Variants in KCNK2 observed in about 807,000 individuals in gnomAD.
The protein encoded by KCNK2 is potassium two pore domain channel subfamily K member 2.
KCNK2 carries 21 observed loss-of-function variants against 40.5 expected under a neutral mutation model. The observed-to-expected ratio is 0.52, with a 90% CI of 0.37 to 0.75. KCNK2 has a LOEUF of 0.75. Among genes scored for constraint, KCNK2 ranks in the 30% least tolerant of loss-of-function variants. The pLI is 0.00. For synonymous variants in KCNK2, 191 were observed against 202.2 expected (o/e 0.94, Z 0.47); for missense variants, 399 against 531.6 (o/e 0.75, Z 2.45).
At chr1:215,209,438 A>ATTATATATT (rs1665500137) in intron 6 of KCNK2, among the ~76,000 whole-genome samples, 1 of 9,714 alleles carries the variant, frequency 1.0e-4, no homozygotes, top group Non-Finnish European at 1.9e-4. Context: ...TATAATATAA[A>ATTATATATT]ATATATAATA....
In KCNK2 at chr1:215,084,182, GCACACA is replaced by G. The variant is rs71945726; in HGVS notation, c.46+783_46+788del. Among the ~76,000 whole-genome samples, 1,211 of 141,934 alleles carry G rather than the reference GCACACA, an allele frequency of 8.5e-3. 12 individuals carry two copies. Among genetic ancestry groups the G allele is most frequent in the African/African-American group, 0.025 (926 of 37,642 alleles). The allele number at this position is 141,934 out of a possible 152,430, so 93.1% of individuals were successfully genotyped here. A position where few individuals can be genotyped will look rare whatever the true frequency, so the allele number is the denominator to read the frequency against. On this transcript the variant is annotated intron_variant, in intron 1 of 6. Transcript: ENST00000444842. ...CCTTCTGGAAATGTATTAGGTTAAT[GCACACA>G]CACACACACACACACACACACACAC...
At chr1:215,101,264 A>T (rs1483545092) in intron 2 of KCNK2, among the ~76,000 whole-genome samples, 1 of 152,012 alleles carries the variant, frequency 6.6e-6, no homozygotes, top group Non-Finnish European at 1.5e-5. Flanking sequence ...GAAGGTGCTA[A>T]TCATCTGAAG....
chr1:215,063,715 G>A (rs940404516), intron 1 of KCNK2, among the ~76,000 whole-genome samples: 1 of 152,164 alleles, frequency 6.6e-6, no homozygotes, highest in South Asian at 2.1e-4. Flanking sequence ...GGTCTCTTGT[G>A]ATTGGGACGA....
intron 1 of KCNK2, among the ~76,000 whole-genome samples, chr1:215,060,006 C>T (rs979984994): frequency 6.6e-6 from 1 of 152,110 alleles, no homozygotes; most frequent in African/African-American, 2.4e-5. Context: ...ATCAGCATGG[C>T]CAGGGACATG....
At chr1:215,226,916 C>T (rs1328618208) in intron 6 of KCNK2, among the ~76,000 whole-genome samples, 1 of 152,124 alleles carries the variant, frequency 6.6e-6, no homozygotes, top group African/African-American at 2.4e-5. Context: ...ATATTTTGGA[C>T]CTTTACTATG....
chr1:215,195,183 T>A, intron 6 of KCNK2, 91 bp downstream of exon 6: 1 of 1,013,020 alleles, frequency 9.9e-7, no homozygotes, highest in Non-Finnish European at 1.4e-6. Flanking sequence ...TTAAAATATT[T>A]AAACATTTTA....
At chr1:215,039,885 A>C (rs939868600) in intron 1 of KCNK2, among the ~76,000 whole-genome samples, 3 of 152,054 alleles carry the variant, frequency 2.0e-5, no homozygotes, top group African/African-American at 4.8e-5. Flanking sequence ...GGCTTTTCCT[A>C]TCGTTGTTTG....
chr1:215,087,563 G>GAGTGACTT (rs1349695700), intron 2 of KCNK2, among the ~76,000 whole-genome samples: 1 of 152,176 alleles, frequency 6.6e-6, no homozygotes, highest in African/African-American at 2.4e-5. Flanking sequence ...TTCTCACAAG[G>GAGTGACTT]AGTGACTTGA....
chr1:215,039,538 T>C (rs1366907368), intron 1 of KCNK2, among the ~76,000 whole-genome samples: 1 of 152,162 alleles, frequency 6.6e-6, no homozygotes. Flanking sequence ...GTAAGCTATT[T>C]TGTAATTTGA....
chr1:215,195,003 T>G lies in KCNK2; in HGVS notation c.874T>G (p.Trp292Gly). Residue 292 changes from tryptophan to glycine, a missense_variant, in exon 6 of 7, where the codon TGG becomes GGG. Coordinates refer to ENST00000444842, the MANE Select transcript of KCNK2 (RefSeq NM_001017425.3). ...LDFYKPVVWFWILVGLAYFAA... is the reference protein window; with the variant it reads ...LDFYKPVVWFGILVGLAYFAA... The stretch of plus-strand genomic sequence containing the variant: ...CTTCTATAAGCCTGTCGTGTGGTTC[T>G]GGATCCTTGTAGGGCTTGCTTACTT... 6.2e-7 allele frequency: 1 copy of G among 1,613,636 alleles called. No individual in the cohort carries two copies. The highest frequency in any genetic ancestry group is 8.5e-7 in the Non-Finnish European group (1 of 1,179,662).
intron 1 of KCNK2, among the ~76,000 whole-genome samples, chr1:215,010,851 ATT>A (rs66945279): frequency 0.21 from 26,705 of 125,380 alleles, 3,046 homozygotes; most frequent in African/African-American, 0.36. Flanking sequence ...CAGGACACAG[ATT>A]TTTTTTTTTT....
chr1:215,146,899 C>T (rs1288178400), intron 3 of KCNK2, among the ~76,000 whole-genome samples: 3 of 152,076 alleles, frequency 2.0e-5, no homozygotes, highest in South Asian at 2.1e-4. Context: ...TTAAAATAAG[C>T]GTACACATGA....
At chr1:215,054,495 A>T (rs1658089773) in intron 1 of KCNK2, among the ~76,000 whole-genome samples, 1 of 152,182 alleles carries the variant, frequency 6.6e-6, no homozygotes, top group South Asian at 2.1e-4. Flanking sequence ...GCTTCCTCAC[A>T]CATATACCAG....
intron 2 of KCNK2, among the ~76,000 whole-genome samples, chr1:215,117,123 C>T (rs1428783891): frequency 6.6e-6 from 1 of 151,392 alleles, no homozygotes; most frequent in East Asian, 1.9e-4. Context: ...TCTATTTTTC[C>T]TAGAAAAAAA....
In KCNK2 at chr1:215,113,527, C is replaced by T. The variant is rs539937590; in HGVS notation, c.358-11106C>T. Among the ~76,000 whole-genome samples the T allele has an allele frequency of 2.2e-4, 34 of 152,278 alleles. 1 individual carries two copies. Among genetic ancestry groups the T allele is most frequent in the Middle Eastern group, 3.4e-3 (1 of 294 alleles). On this transcript the variant is annotated intron_variant, in intron 2 of 6. Coordinates refer to ENST00000444842, the MANE Select transcript of KCNK2 (RefSeq NM_001017425.3). ...TCACAAGGTTCTGGTGAAGCCCCTC[C>T]GGTCTTGCACTGCTGTTTCAAATAG... is the stretch of plus-strand genomic sequence containing the variant.
rs530409779 is a variant in KCNK2, at chr1:215,140,489, A to G, written c.475+15739A>G. Among the ~76,000 whole-genome samples the G allele has an allele frequency of 3.2e-3, 488 of 152,338 alleles. 4 individuals carry two copies. The highest frequency in any genetic ancestry group is 0.011 in the African/African-American group (469 of 41,588). On this transcript the variant is annotated intron_variant, in intron 3 of 6. Coordinates refer to ENST00000444842, the MANE Select transcript of KCNK2 (RefSeq NM_001017425.3). ...GATGTACACACCTAGGCTATCTGCT[A>G]TAGCCTATTGCTTCTAGGCTACAGA...
At chr1:215,070,429 A>T (rs887699071) in intron 1 of KCNK2, among the ~76,000 whole-genome samples, 11 of 151,466 alleles carry the variant, frequency 7.3e-5, no homozygotes, top group African/African-American at 2.7e-4. Flanking sequence ...AAAAAAAAAA[A>T]AAAAAAAAAA....
Position 215,138,461 on chromosome 1 carries a change from A to G in KCNK2, c.475+13711A>G, listed in dbSNP as rs1193839060. On this transcript the variant is annotated intron_variant, in intron 3 of 6. Coordinates refer to ENST00000444842, the MANE Select transcript of KCNK2 (RefSeq NM_001017425.3). ...TTTTTAGAGGAAAAAATCAGGGGATAGAAATTGTGGGTGTATAGACCAGGT... is the reference window on the plus strand; with the variant it reads ...TTTTTAGAGGAAAAAATCAGGGGATGGAAATTGTGGGTGTATAGACCAGGT... 2.6e-5 allele frequency among the ~76,000 whole-genome samples: 4 copies of G among 152,188 alleles called. No individual in the cohort carries two copies. In the East Asian group the frequency reaches 5.8e-4, roughly 22 times the overall value.
At position 215,235,601 on chromosome 1, in the gene KCNK2, T is replaced by G. The variant is rs1220213929; in HGVS notation, c.*456T>G. The G allele has an allele frequency of 2.5e-4, 38 of 154,238 alleles. No individual in the cohort carries two copies. Among genetic ancestry groups the G allele is most frequent in the Admixed American group, 2.4e-3 (38 of 15,538 alleles). The allele number at this position is 154,238 out of a possible 1,614,324, so 9.6% of individuals were successfully genotyped here. ...AGAAATTCTTATGCAGCCTTTTACC[T>G]AAGAAATTTTCTGTCAGTGCCTTAT... On this transcript the variant is annotated 3_prime_UTR_variant, in exon 7 of 7. Coordinates refer to ENST00000444842, the MANE Select transcript of KCNK2 (RefSeq NM_001017425.3).
Sources: allele counts gnomAD v4.1 joint callset (sites outside exome capture counted in the v4.1 genomes callset), GRCh38; gene constraint gnomAD v4.1.1; transcripts MANE v1.5; gene names NCBI Gene and HGNC (gene_info 2026-07-23, HGNC 2026-07-21).